The following KMT2D variants were observed in gnomAD, a reference collection of about 807,000 sequenced individuals.
KMT2D encodes the protein histone-lysine N-methyltransferase 2D.
Under a neutral mutation model 512.7 loss-of-function variants are expected in KMT2D, and 55 were observed. The observed-to-expected ratio is 0.11, with a 90% CI of 0.09 to 0.13. KMT2D has a LOEUF of 0.13. KMT2D is among the 10% of genes least tolerant of loss of function. The pLI is 1.00. For synonymous variants in KMT2D, 2,995 were observed against 2,904.0 expected (o/e 1.03, Z -1.01); for missense variants, 6,061 against 7,127.9 (o/e 0.85, Z 5.39).
Position 49,039,748 on chromosome 12 carries a change from T to C in KMT2D, c.8022A>G (p.Gln2674=), listed in dbSNP as rs374674473. The part of the protein sequence containing the change: ...TQDPGMSGLS[Q]TELEKQRQRQ... ...CCTGCCGTTGCTTCTCCAGCTCTGT[T>C]TGGCTAAGGCCGGACATGCCTGGGT... Residue 2674 remains glutamine (Q), a synonymous_variant, in exon 32 of 55, where the codon CAA becomes CAG. Transcript: ENST00000301067. The surrounding 1 kb of genome is among the most constrained non-coding windows in gnomAD (Gnocchi z 5.0). The C allele has an allele frequency of 1.9e-5, 31 of 1,613,498 alleles. No homozygotes were observed. Among genetic ancestry groups the C allele is most frequent in the South Asian group, 2.2e-5 (2 of 91,074 alleles).
At position 49,054,177 on chromosome 12, in the gene KMT2D, C is replaced by A. The variant is rs747698407; in HGVS notation, c.511-37G>T. On this transcript the variant is annotated intron_variant, in intron 5 of 54. Transcript: ENST00000301067. This position sits in a 1 kb window ranked among gnomAD's most constrained non-coding sequence, Gnocchi z 6.4. ...AAAAAAGAGCCTCAGTGTCAGCCAG[C>A]TCTCCCCAGACAAACAGTTCAGGCA... 1.9e-6 allele frequency: 3 copies of A among 1,557,142 alleles called. No homozygotes were observed. Among genetic ancestry groups the A allele is most frequent in the Non-Finnish European group, 2.6e-6 (3 of 1,149,602 alleles).
At position 49,040,337 on chromosome 12, in the gene KMT2D, G is replaced by A. The variant is rs759010056; in HGVS notation, c.7433C>T (p.Ala2478Val). 12 of 1,570,588 alleles carry A rather than the reference G, an allele frequency of 7.6e-6. No individual in the cohort carries two copies. Among genetic ancestry groups the A allele is most frequent in the Non-Finnish European group, 1.0e-5 (12 of 1,158,030 alleles). The change falls in exon 32 of 55, where the codon GCC becomes GTC. Residue 2478 changes from alanine to valine, a missense_variant. Physicochemically the swap from Ala to Val is moderately conservative, Grantham distance 64. Around this residue, in one of 16 missense-constraint regions of KMT2D, gnomAD observed 710 missense variants for 647.3 expected, o/e 1.10. Coordinates refer to ENST00000301067, the MANE Select transcript of KMT2D (RefSeq NM_003482.4). ...GTGGGCTAGAGACCCAGCCTTAAAGGCAACTTCAGGGGGCTGGGGTCGGGG... is the reference window on the plus strand; with the variant it reads ...GTGGGCTAGAGACCCAGCCTTAAAGACAACTTCAGGGGGCTGGGGTCGGGG... ...KPPRPQPPEVAFKAGSLAHTS... is the reference protein window; with the variant it reads ...KPPRPQPPEVVFKAGSLAHTS...
chr12:49,048,962 C>T (rs551009905), intron 13 of KMT2D, 143 bp downstream of exon 13: 8 of 687,652 alleles, frequency 1.2e-5, no homozygotes, highest in East Asian at 8.1e-5. Flanking sequence ...GAAAAACCTG[C>T]GGGCCAAGTG....
In KMT2D at chr12:49,022,585, C is replaced by T. The variant is rs751008381; in HGVS notation, c.16338+5G>A. 2.9e-5 allele frequency: 46 copies of T among 1,612,306 alleles called. No homozygotes were observed. The highest frequency in any genetic ancestry group is 3.6e-5 in the Non-Finnish European group (43 of 1,178,822). Reference sequence around the variant, plus strand: ...CACCACAATGGCCCCTCTGCCAGCTCATACCTGCTCTTCGTAGATTTTCTC... The same window carrying T: ...CACCACAATGGCCCCTCTGCCAGCTTATACCTGCTCTTCGTAGATTTTCTC... On this transcript the variant is annotated splice_donor_5th_base_variant and intron_variant, in intron 52 of 54. Transcript: ENST00000301067. This position sits in a 1 kb window ranked among gnomAD's most constrained non-coding sequence, Gnocchi z 8.6.
rs1412073375 is a variant in KMT2D at position 49,054,005 on chromosome 12, C to T, written c.646G>A (p.Glu216Lys). ...AGATATGCAGCCCCCTCACTGTGCT[C>T]TGGGCATAGCAGCTGCAGTGTTTTC... is the stretch of plus-strand genomic sequence containing the variant. Reference protein sequence around the residue: ...SMKTLQLLCPEHSEGAAYLEE... With the variant: ...SMKTLQLLCPKHSEGAAYLEE... The change falls in exon 6 of 55, where the codon GAG (glutamate) becomes AAG (lysine). Residue 216 changes from glutamate to lysine, a missense_variant. Transcript: ENST00000301067. The surrounding 1 kb of genome is among the most constrained non-coding windows in gnomAD (Gnocchi z 6.4). 6.2e-7 allele frequency: 1 copy of T among 1,613,948 alleles called. No homozygotes were observed. Among genetic ancestry groups the T allele is most frequent in the East Asian group, 2.2e-5 (1 of 44,888 alleles).
At position 49,030,959 on chromosome 12, in the gene KMT2D, G is replaced by A. The variant is rs948889443; in HGVS notation, c.13605C>T (p.Ser4535=). ...CGTCCTCCTTCCGCAGCTTCTTTCG[G>A]GAGCTCACCAACCTGTCGCTTGCCT... ...VQKASDRLVS[S]RKKLRKEDGV... is the part of the protein sequence containing the mutation. Residue 4535 remains serine (S), a synonymous_variant, in exon 41 of 55, where the codon TCC becomes TCT. Transcript: ENST00000301067. 4.3e-6 allele frequency: 7 copies of A among 1,613,918 alleles called. No homozygotes were observed. Among genetic ancestry groups the A allele is most frequent in the Non-Finnish European group, 5.9e-6 (7 of 1,179,864 alleles).
Position 49,041,212 on chromosome 12 carries a change from C to T in KMT2D, c.6558G>A (p.Glu2186=), listed in dbSNP as rs1237668539. ...TGGGCGGTGCCGTGGGGAAGCGGGG[C>T]TCCAGGGGATAGGCAGGGGCCAGTC... ...PFGLAPAYPL[E]PRFPTAPPTY... The change falls in exon 32 of 55, where the codon GAG becomes GAA. Residue 2186 remains glutamate (E), a synonymous_variant. Coordinates refer to ENST00000301067, the MANE Select transcript of KMT2D (RefSeq NM_003482.4). This position sits in a 1 kb window ranked among gnomAD's most constrained non-coding sequence, Gnocchi z 5.4. 6.6e-7 allele frequency: 1 copy of T among 1,513,146 alleles called. No homozygotes were observed. The highest frequency in any genetic ancestry group is 1.3e-5 in the South Asian group (1 of 74,472). The allele number at this position is 1,513,146 out of a possible 1,614,324, so 93.7% of individuals were successfully genotyped here.
At position 49,026,160 on chromosome 12, in the gene KMT2D, A is replaced by G; in HGVS notation, c.15784+22T>C. On this transcript the variant is annotated intron_variant, in intron 49 of 54. Transcript: ENST00000301067. The surrounding 1 kb of genome is among the most constrained non-coding windows in gnomAD (Gnocchi z 9.6). ...AAACTTTTCCCATTCCATATTATCCATTTCAAGGGCCCACTGCTCACCCTG... is the reference window on the plus strand; with the variant it reads ...AAACTTTTCCCATTCCATATTATCCGTTTCAAGGGCCCACTGCTCACCCTG... 1 of 1,538,934 alleles carries G rather than the reference A, an allele frequency of 6.5e-7. No homozygotes were observed. Among genetic ancestry groups the G allele is most frequent in the Non-Finnish European group, 8.8e-7 (1 of 1,141,444 alleles).
At position 49,048,752 on chromosome 12, in the gene KMT2D, G is replaced by C; in HGVS notation, c.4038C>G (p.Ser1346Arg). ...IETLVVADIDSSPSKEEEEED... is the reference protein window; with the variant it reads ...IETLVVADIDRSPSKEEEEED... ...CTTCCTCCTCCTCCTTACTGGGAGA[G>C]CTATCAATGTCAGCAACCTGATGGG... Residue 1346 changes from serine to arginine, a missense_variant, in exon 14 of 55, where the codon AGC becomes AGG. Around this residue, in one of 16 missense-constraint regions of KMT2D, gnomAD observed 447 missense variants for 500.1 expected, o/e 0.89. Coordinates refer to ENST00000301067, the MANE Select transcript of KMT2D (RefSeq NM_003482.4). 5 of 1,607,242 alleles carry C rather than the reference G, an allele frequency of 3.1e-6. No individual in the cohort carries two copies. The highest frequency in any genetic ancestry group is 4.3e-6 in the Non-Finnish European group (5 of 1,175,154).
chr12:49,030,156 T>C lies in KMT2D; in HGVS notation c.13999+124A>G. Reference sequence around the variant, plus strand: ...CTGAAAGGGCCCTTCCTACCTCAGGTGCCCTGTTATGTAAACACACAGGAC... The same window carrying C: ...CTGAAAGGGCCCTTCCTACCTCAGGCGCCCTGTTATGTAAACACACAGGAC... On this transcript the variant is annotated intron_variant, in intron 43 of 54. Coordinates refer to ENST00000301067, the MANE Select transcript of KMT2D (RefSeq NM_003482.4). 6.6e-6 allele frequency: 5 copies of C among 755,428 alleles called. No homozygotes were observed. The South Asian group carries it at 8.2e-5, about 12-fold the overall frequency. 46.8% of individuals were successfully genotyped at this position (755,428 alleles called of 1,614,324 possible).
Position 49,054,255 on chromosome 12 carries a change from G to T in KMT2D, c.510+52C>A, listed in dbSNP as rs1938264328. 1.3e-6 allele frequency: 2 copies of T among 1,543,282 alleles called. No homozygotes were observed. Among genetic ancestry groups the T allele is most frequent in the Non-Finnish European group, 1.8e-6 (2 of 1,138,774 alleles). On this transcript the variant is annotated intron_variant, in intron 5 of 54. Coordinates refer to ENST00000301067, the MANE Select transcript of KMT2D (RefSeq NM_003482.4). The surrounding 1 kb of genome is among the most constrained non-coding windows in gnomAD (Gnocchi z 6.4). ...CCTTCTCATTCCAACCTGACTCTCA[G>T]AAGCCCACCAGCCCTGCCCTTCACC...
Position 49,054,565 on chromosome 12 carries a change from A to G in KMT2D, c.363T>C (p.Pro121=), listed in dbSNP as rs745748263. The G allele has an allele frequency of 1.9e-6, 3 of 1,612,620 alleles. No homozygotes were observed. The highest frequency in any genetic ancestry group is 1.1e-5 in the South Asian group (1 of 90,774). Reference sequence around the variant, plus strand: ...CTAGGTGGGCAGGTGTAAGGCCCTCAGGGAAACCAATCTGTGATAGGTCCT... The same window carrying G: ...CTAGGTGGGCAGGTGTAAGGCCCTCGGGGAAACCAATCTGTGATAGGTCCT... ...PSEDLSQIGF[P]EGLTPAHLGE... is the part of the protein sequence containing the mutation. Residue 121 remains proline (P), a synonymous_variant, in exon 4 of 55, where the codon CCT becomes CCC. Coordinates refer to ENST00000301067, the MANE Select transcript of KMT2D (RefSeq NM_003482.4). This position sits in a 1 kb window ranked among gnomAD's most constrained non-coding sequence, Gnocchi z 6.4.
rs2120641776 is a variant in KMT2D at position 49,049,859 on chromosome 12, C to T, written c.3729G>A (p.Gly1243=). 1 of 1,613,932 alleles carries T rather than the reference C, an allele frequency of 6.2e-7. No homozygotes were observed. Among genetic ancestry groups the T allele is most frequent in the Admixed American group, 1.7e-5 (1 of 60,030 alleles). The part of the protein sequence containing the change: ...EGGGSLSMEL[G]VSTDVSPARD... ...GGGCTGGACTAACATCCGTAGAGACCCCCAACTCCATGGACAGGGAGCCAC... is the reference window on the plus strand; with the variant it reads ...GGGCTGGACTAACATCCGTAGAGACTCCCAACTCCATGGACAGGGAGCCAC... The change falls in exon 12 of 55, where the codon GGG becomes GGA. Residue 1243 remains glycine, a synonymous_variant. Coordinates refer to ENST00000301067, the MANE Select transcript of KMT2D (RefSeq NM_003482.4).
At position 49,022,522 on chromosome 12, in the gene KMT2D, C is replaced by G; in HGVS notation, c.16338+68G>C. ...AGCTTTCCTCCTGCTCTCCTGTGAC[C>G]AATCCTGCCCTTGCTCCTTGGTTGA... is the stretch of plus-strand genomic sequence containing the variant. On this transcript the variant is annotated intron_variant, in intron 52 of 54. Coordinates refer to ENST00000301067, the MANE Select transcript of KMT2D (RefSeq NM_003482.4). This position sits in a 1 kb window ranked among gnomAD's most constrained non-coding sequence, Gnocchi z 8.6. 6 of 1,568,682 alleles carry G rather than the reference C, an allele frequency of 3.8e-6. No homozygotes were observed. The South Asian group carries it at 7.0e-5, about 18-fold the overall frequency.
Position 49,024,118 on chromosome 12 carries a change from T to C in KMT2D, c.16052+460A>G. On this transcript the variant is annotated intron_variant, in intron 51 of 54. Coordinates refer to ENST00000301067, the MANE Select transcript of KMT2D (RefSeq NM_003482.4). This position sits in a 1 kb window ranked among gnomAD's most constrained non-coding sequence, Gnocchi z 4.5. ...TGAAAACGCTTTGAAAAAAAAAGTA[T>C]AAAGTGCTATACAAATGTAAGGTTT... 1 of 455,862 alleles carries C rather than the reference T, an allele frequency of 2.2e-6. No individual in the cohort carries two copies. The highest frequency in any genetic ancestry group is 4.4e-6 in the Non-Finnish European group (1 of 227,516). The allele number at this position is 455,862 out of a possible 1,614,324, so 28.2% of individuals were successfully genotyped here.
chr12:49,021,778 T>G lies in KMT2D; in HGVS notation c.*2A>C. On this transcript the variant is annotated 3_prime_UTR_variant, in exon 55 of 55. Coordinates refer to ENST00000301067, the MANE Select transcript of KMT2D (RefSeq NM_003482.4). ...TCCCCTGCCTGGTAGCCTCAAAGCT[T>G]CTTAGTTCATCCATTTCCGACAATT... 1 of 1,612,380 alleles carries G rather than the reference T, an allele frequency of 6.2e-7. No homozygotes were observed. Among genetic ancestry groups the G allele is most frequent in the Non-Finnish European group, 8.5e-7 (1 of 1,178,354 alleles).
intron 35 of KMT2D, chr12:49,035,792 T>G (rs1221903600): frequency 1.3e-5 from 2 of 152,232 alleles, no homozygotes; most frequent in East Asian, 3.9e-4. Flanking sequence ...ACTCCTGACC[T>G]CAGGTGATCC....
intron 36 of KMT2D, 47 bp from the exon 37 acceptor site, chr12:49,034,713 T>G (rs1943132370): frequency 1.2e-6 from 2 of 1,604,852 alleles, no homozygotes; most frequent in Non-Finnish European, 1.7e-6. Flanking sequence ...AATAAGAAAG[T>G]TGGAAAGCAA....
chr12:49,024,243 G>A lies in KMT2D; in HGVS notation c.16052+335C>T, dbSNP rs1471534941. On this transcript the variant is annotated intron_variant, in intron 51 of 54. Coordinates refer to ENST00000301067, the MANE Select transcript of KMT2D (RefSeq NM_003482.4). The surrounding 1 kb of genome is among the most constrained non-coding windows in gnomAD (Gnocchi z 4.5). ...CACCCATGGGGTATCTGAGGTTTGG[G>A]AGAATCACAGGCCCTCCCCCAGAAG... 1 of 403,768 alleles carries A rather than the reference G, an allele frequency of 2.5e-6. No individual in the cohort carries two copies. Among genetic ancestry groups the A allele is most frequent in the Middle Eastern group, 7.6e-4 (1 of 1,320 alleles). The allele number at this position is 403,768 out of a possible 1,614,324, so 25.0% of individuals were successfully genotyped here.
Sources: allele counts gnomAD v4.1 joint callset, GRCh38; gene constraint gnomAD v4.1.1; regional missense constraint gnomAD v4.1.1; non-coding constraint Gnocchi (gnomAD v3.1); transcripts MANE v1.5; gene names NCBI Gene and HGNC (gene_info 2026-07-23, HGNC 2026-07-21).